BNC2: variants seen among roughly 807,000 people sequenced by gnomAD.
BNC2 encodes the protein basonuclin zinc finger protein 2.
In BNC2, 20 loss-of-function variants were observed where a neutral mutation model predicts 76.3. The ratio of observed to expected loss-of-function variants is 0.26; its 90% CI spans 0.18 to 0.38. The LOEUF is 0.38. Ranked by LOEUF, BNC2 falls within the 10% of genes least tolerant of loss-of-function variation. The pLI is 1.00. For synonymous variants in BNC2, 582 were observed against 514.8 expected (o/e 1.13, Z -1.77); for missense variants, 1,382 against 1,399.8 (o/e 0.99, Z 0.20).
chr9:16,662,687 G>C (rs1424249211), intron 3 of BNC2, among the ~76,000 whole-genome samples: 1 of 152,156 alleles, frequency 6.6e-6, no homozygotes, highest in Non-Finnish European at 1.5e-5. Flanking sequence ...AGTGAGCTGA[G>C]ATCAGGCCAC....
chr9:16,726,761 G>C (rs1189315868), intron 3 of BNC2: 1 of 152,126 alleles, frequency 6.6e-6, no homozygotes, highest in Non-Finnish European at 1.5e-5. Flanking sequence ...TTTGGTGTAG[G>C]CTTTGGAAAA....
chr9:16,742,371 T>A (rs992383755), intron 1 of BNC2, among the ~76,000 whole-genome samples: 1 of 152,214 alleles, frequency 6.6e-6, no homozygotes, highest in Non-Finnish European at 1.5e-5. Flanking sequence ...GCAATTGTGG[T>A]CCAAAGTCAC....
chr9:16,527,029 T>C (rs16934787), intron 5 of BNC2, among the ~76,000 whole-genome samples: 95,542 of 152,016 alleles, frequency 0.63, 32,070 homozygotes, highest in African/African-American at 0.88. Flanking sequence ...AGGAATTAAT[T>C]TGGGGAAGTG....
chr9:16,781,834 C>A (rs1826162451), intron 1 of BNC2, among the ~76,000 whole-genome samples: 1 of 151,974 alleles, frequency 6.6e-6, no homozygotes, highest in Admixed American at 6.6e-5. Context: ...ACACAATGTG[C>A]TTTTTATGTT....
At chr9:16,469,317 A>G (rs1409559645) in intron 5 of BNC2, among the ~76,000 whole-genome samples, 1 of 152,156 alleles carries the variant, frequency 6.6e-6, no homozygotes, top group African/African-American at 2.4e-5. Flanking sequence ...GGGGGAGGTA[A>G]CTGAATCATG....
intron 1 of BNC2, among the ~76,000 whole-genome samples, chr9:16,798,208 C>T (rs1389050178): frequency 6.6e-6 from 1 of 152,128 alleles, no homozygotes. Flanking sequence ...TATGCAGATT[C>T]GAATAGGCAC....
intron 1 of BNC2, among the ~76,000 whole-genome samples, chr9:16,820,150 G>C (rs902574518): frequency 6.7e-6 from 1 of 149,638 alleles, no homozygotes; most frequent in Non-Finnish European, 1.5e-5. Context: ...AAAGGGCTGG[G>C]CGTGGTCGCT....
intron 3 of BNC2, among the ~76,000 whole-genome samples, chr9:16,590,142 C>T (rs1819884279): frequency 6.6e-6 from 1 of 152,008 alleles, no homozygotes; most frequent in African/African-American, 2.4e-5. Flanking sequence ...AAAGAAAATG[C>T]ATCACAATAA....
At chr9:16,633,759 A>G (rs1433374000) in intron 3 of BNC2, among the ~76,000 whole-genome samples, 1 of 152,168 alleles carries the variant, frequency 6.6e-6, no homozygotes, top group Non-Finnish European at 1.5e-5. Context: ...AAACTAAGGT[A>G]TGTTTATTTC....
chr9:16,698,852 C>T (rs187077969), intron 3 of BNC2, among the ~76,000 whole-genome samples: 46 of 152,280 alleles, frequency 3.0e-4, no homozygotes, highest in East Asian at 1.9e-3. Context: ...TGAAGAAAGA[C>T]GACTAAAAAT....
chr9:16,469,284 C>T (rs1349953583), intron 5 of BNC2, among the ~76,000 whole-genome samples: 1 of 152,150 alleles, frequency 6.6e-6, no homozygotes, highest in Non-Finnish European at 1.5e-5. Flanking sequence ...TCCCAGAATT[C>T]CCACATGTTG....
chr9:16,447,056 C>T (rs879386312), intron 5 of BNC2, among the ~76,000 whole-genome samples: 7 of 152,104 alleles, frequency 4.6e-5, no homozygotes, highest in African/African-American at 1.4e-4. Context: ...CAAGTTACCT[C>T]GCTGCATTGT....
intron 1 of BNC2, among the ~76,000 whole-genome samples, chr9:16,840,316 C>A (rs1181154081): frequency 6.6e-6 from 1 of 152,174 alleles, no homozygotes; most frequent in Non-Finnish European, 1.5e-5. Flanking sequence ...GCTCCTCTCC[C>A]TTTTGCTTTT....
chr9:16,738,259 G>C (rs1212906068), intron 2 of BNC2, 101 bp downstream of exon 2: 2 of 1,310,948 alleles, frequency 1.5e-6, no homozygotes, highest in Non-Finnish European at 2.2e-6. Context: ...GACAGTAAAA[G>C]AGTGGCAGAA....
chr9:16,419,890 C>T lies in BNC2; in HGVS notation c.2640-241G>A, dbSNP rs1023348732. ...AACATTATTTTTATAAGAGAGTTGA[C>T]TCTGTCAATGGTAGGATGAATGCAA... is the stretch of plus-strand genomic sequence containing the variant. On this transcript the variant is annotated intron_variant, in intron 6 of 6. Transcript: ENST00000380672. 2.6e-5 allele frequency among the ~76,000 whole-genome samples: 4 copies of T among 152,116 alleles called. No homozygotes were observed. The East Asian group carries it at 7.7e-4, about 29-fold the overall frequency.
intron 5 of BNC2, among the ~76,000 whole-genome samples, chr9:16,516,655 CT>C (rs1016226547): frequency 6.6e-6 from 1 of 151,464 alleles, no homozygotes; most frequent in Non-Finnish European, 1.5e-5. Context: ...ATGTGTGCTT[CT>C]TTTTTTTTCT....
intron 5 of BNC2, among the ~76,000 whole-genome samples, chr9:16,465,074 G>A (rs1033497847): frequency 8.5e-5 from 13 of 152,108 alleles, no homozygotes; most frequent in Non-Finnish European, 1.9e-4. Flanking sequence ...TAGTCAACAG[G>A]CCCATGATCA....
chr9:16,814,902 G>A (rs1818144446), intron 1 of BNC2, among the ~76,000 whole-genome samples: 1 of 152,084 alleles, frequency 6.6e-6, no homozygotes, highest in Non-Finnish European at 1.5e-5. Flanking sequence ...GAGAGATAAT[G>A]TTATTCACTT....
chr9:16,672,550 CT>C (rs1822511827), intron 3 of BNC2, among the ~76,000 whole-genome samples: 1 of 152,064 alleles, frequency 6.6e-6, no homozygotes, highest in Admixed American at 6.6e-5. Context: ...GCAAAAAATC[CT>C]AACTGTTCAG....
Sources: gnomAD v4.1 joint callset for allele counts (sites outside exome capture counted in the v4.1 genomes callset) on GRCh38, gnomAD v4.1.1 for gene constraint, MANE v1.5 for transcripts, NCBI Gene and HGNC (gene_info 2026-07-23, HGNC 2026-07-21) for gene names.